SUGCT: variants seen among roughly 807,000 people sequenced by gnomAD.
SUGCT encodes the protein succinyl-CoA:glutarate CoA-transferase.
In SUGCT, 41 loss-of-function variants were observed where a neutral mutation model predicts 55.0. The ratio of observed to expected loss-of-function variants is 0.74; its 90% CI spans 0.58 to 0.97. SUGCT has a LOEUF of 0.97. SUGCT is among the 50% of genes least tolerant of loss of function. The pLI is 0.00. For missense variants in SUGCT, 568 were observed against 547.8 expected, an observed-to-expected ratio of 1.04 and a Z score of -0.37; for synonymous variants, 187 against 200.4, an observed-to-expected ratio of 0.93 and a Z score of 0.56.
At chr7:40,144,129 C>A (rs1483894368) in intron 1 of SUGCT, among the ~76,000 whole-genome samples, 1 of 152,138 alleles carries the variant, frequency 6.6e-6, no homozygotes, top group East Asian at 1.9e-4. Flanking sequence ...ACCAAAATCT[C>A]CCTGGATTAA....
chr7:40,568,913 T>G (rs1796288801), intron 12 of SUGCT, among the ~76,000 whole-genome samples: 1 of 152,216 alleles, frequency 6.6e-6, no homozygotes, highest in Non-Finnish European at 1.5e-5. Flanking sequence ...CTCTGCTATT[T>G]CCTAGCTGTG....
intron 11 of SUGCT, among the ~76,000 whole-genome samples, chr7:40,460,084 G>A (rs779699350): frequency 2.0e-5 from 3 of 152,076 alleles, no homozygotes; most frequent in Non-Finnish European, 4.4e-5. Flanking sequence ...TTTCTATGTA[G>A]TATACATCAA....
intron 12 of SUGCT, among the ~76,000 whole-genome samples, chr7:40,640,989 C>CT (rs952221877): frequency 2.6e-5 from 4 of 152,136 alleles, no homozygotes; most frequent in African/African-American, 4.8e-5. Context: ...CTATTGGAGA[C>CT]TTTTTTGCAT....
chr7:40,455,841 A>G (rs377632310), intron 10 of SUGCT, among the ~76,000 whole-genome samples: 4 of 152,142 alleles, frequency 2.6e-5, no homozygotes, highest in East Asian at 3.9e-4. Flanking sequence ...ATCATACTGG[A>G]TGCCATTTTA....
At chr7:40,867,606 A>G in the SUGCT span, among the ~76,000 whole-genome samples, 1 of 152,222 alleles carries the variant, frequency 6.6e-6, no homozygotes, top group African/African-American at 2.4e-5. Context: ...AAATTAAACA[A>G]AAAAAGTAGT....
intron 9 of SUGCT, among the ~76,000 whole-genome samples, chr7:40,396,224 T>A (rs1785718407): frequency 6.6e-6 from 1 of 152,226 alleles, no homozygotes; most frequent in Non-Finnish European, 1.5e-5. Context: ...TTGAAATGCC[T>A]TAATACAACT....
chr7:40,221,412 TC>T (rs1788014534), intron 6 of SUGCT, among the ~76,000 whole-genome samples: 1 of 138,276 alleles, frequency 7.2e-6, no homozygotes, highest in Admixed American at 7.1e-5. Context: ...AGACCCTGTC[TC>T]AAAAAAAAAA....
intron 7 of SUGCT, among the ~76,000 whole-genome samples, chr7:40,265,959 C>CCACA (rs56844215): frequency 3.4e-4 from 51 of 150,030 alleles, no homozygotes; most frequent in South Asian, 1.1e-3. Flanking sequence ...TCAAAAAAAA[C>CCACA]CACACACACA....
intron 12 of SUGCT, among the ~76,000 whole-genome samples, chr7:40,703,061 C>CTTTTTTTTT: frequency 8.6e-6 from 1 of 115,774 alleles, no homozygotes; most frequent in Non-Finnish European, 1.7e-5. Context: ...TTCAGCCTAG[C>CTTTTTTTTT]TTTTTTTTTT....
At chr7:40,483,381 T>C (rs959939779) in intron 11 of SUGCT, among the ~76,000 whole-genome samples, 2 of 152,182 alleles carry the variant, frequency 1.3e-5, no homozygotes, top group African/African-American at 2.4e-5. Context: ...AATGTTAGTG[T>C]AGTTTTGTTT....
In SUGCT at chr7:40,427,645, G is replaced by GT. The variant is rs201396516; in HGVS notation, c.817-21639dup. ...AACCTCATAATCAGTCATTGTGGTGGTTTGGGTTCTCCGAGAAGCAGAAGA... is the reference window on the plus strand; with the variant it reads ...AACCTCATAATCAGTCATTGTGGTGGTTTTGGGTTCTCCGAGAAGCAGAAGA... On this transcript the variant is annotated intron_variant, in intron 9 of 13. Transcript: ENST00000335693. 8.5e-5 allele frequency among the ~76,000 whole-genome samples: 13 copies of GT among 152,232 alleles called. No homozygotes were observed. The East Asian group carries it at 2.5e-3, about 29-fold the overall frequency.
intron 12 of SUGCT, among the ~76,000 whole-genome samples, chr7:40,634,294 C>T (rs999758629): frequency 2.6e-5 from 4 of 152,194 alleles, no homozygotes; most frequent in African/African-American, 7.2e-5. Context: ...TAACCCTTAT[C>T]GTCCAAACCC....
chr7:40,153,418 T>A (rs569117915), intron 1 of SUGCT: 38 of 372,320 alleles, frequency 1.0e-4, no homozygotes, highest in Non-Finnish European at 1.9e-4. Context: ...CAATTTGATG[T>A]TGCGATTCTT....
Position 40,208,006 on chromosome 7 carries a change from T to G in SUGCT, c.484+12946T>G, listed in dbSNP as rs539784834. Among the ~76,000 whole-genome samples, 8 of 152,250 alleles carry G rather than the reference T, an allele frequency of 5.3e-5. No individual in the cohort carries two copies. The South Asian group carries it at 1.7e-3, about 32-fold the overall frequency. Reference sequence around the variant, plus strand: ...ATAATGATGGAATATTATTCAGCCTTAAAAAGGCGGGGAATTCTGACACAT... The same window carrying G: ...ATAATGATGGAATATTATTCAGCCTGAAAAAGGCGGGGAATTCTGACACAT... On this transcript the variant is annotated intron_variant, in intron 6 of 13. Coordinates refer to ENST00000335693, the MANE Select transcript of SUGCT (RefSeq NM_001193313.2).
chr7:40,853,409 G>C (rs1198149310), intron 13 of SUGCT, among the ~76,000 whole-genome samples: 1 of 152,008 alleles, frequency 6.6e-6, no homozygotes, highest in South Asian at 2.1e-4. Context: ...CTGTCTCCCA[G>C]GCTGGAGTGC....
chr7:40,299,646 G>GC (rs1794404398), intron 8 of SUGCT, among the ~76,000 whole-genome samples: 1 of 103,334 alleles, frequency 9.7e-6, no homozygotes, highest in Non-Finnish European at 2.6e-5. Context: ...TACTATGTAG[G>GC]CCAAAAAAAA....
At chr7:40,644,239 A>G (rs1385804131) in intron 12 of SUGCT, among the ~76,000 whole-genome samples, 2 of 152,156 alleles carry the variant, frequency 1.3e-5, no homozygotes, top group African/African-American at 4.8e-5. Context: ...GATTTCCCCC[A>G]TATAGCGAAC....
chr7:40,232,986 T>A (rs1788802637), intron 6 of SUGCT, among the ~76,000 whole-genome samples: 2 of 152,098 alleles, frequency 1.3e-5, no homozygotes, highest in Admixed American at 1.3e-4. Context: ...GGCTTAACAT[T>A]TTTTCTACCT....
intron 9 of SUGCT, among the ~76,000 whole-genome samples, chr7:40,419,707 G>A (rs944162231): frequency 6.6e-6 from 1 of 152,192 alleles, no homozygotes; most frequent in African/African-American, 2.4e-5. Context: ...GAGGGGATGA[G>A]ATCCCAGAGA....
Sources: gnomAD v4.1 joint callset for allele counts (sites outside exome capture counted in the v4.1 genomes callset) on GRCh38, gnomAD v4.1.1 for gene constraint, MANE v1.5 for transcripts, NCBI Gene and HGNC (gene_info 2026-07-23, HGNC 2026-07-21) for gene names.